CHD8: variants seen among roughly 807,000 people sequenced by gnomAD.
CHD8 encodes ATP-dependent chromatin remodeler CHD8.
CHD8 carries 31 observed loss-of-function variants against 279.2 expected under a neutral mutation model. That is an observed-to-expected ratio of 0.11 (90% CI 0.08 to 0.15). CHD8 has a LOEUF of 0.15. CHD8 is among the 10% of genes least tolerant of loss of function. The pLI, the probability that CHD8 is intolerant of heterozygous loss-of-function variation, is 1.00. For synonymous variants in CHD8, 1,081 were observed against 1,139.6 expected, an observed-to-expected ratio of 0.95 and a Z score of 1.04; for missense variants, 2,146 against 3,230.5, an observed-to-expected ratio of 0.66 and a Z score of 8.14.
chr14:21,408,263 C>T lies in CHD8; in HGVS notation c.2730+49G>A. ...ATATAGCCCTTAAAATACCAGGTAC[C>T]TTGGCCGACTTTCTCTAACTCATAG... On this transcript the variant is annotated intron_variant, in intron 13 of 37. Coordinates refer to ENST00000646647, the MANE Select transcript of CHD8 (RefSeq NM_001170629.2). This position sits in a 1 kb window ranked among gnomAD's most constrained non-coding sequence, Gnocchi z 4.3. 1.3e-6 allele frequency: 2 copies of T among 1,587,940 alleles called. No individual in the cohort carries two copies. Among genetic ancestry groups the T allele is most frequent in the Non-Finnish European group, 1.7e-6 (2 of 1,167,464 alleles).
chr14:21,442,986 A>G (rs1890021643), intron 1 of CHD8, among the ~76,000 whole-genome samples: 1 of 152,228 alleles, frequency 6.6e-6, no homozygotes, highest in South Asian at 2.1e-4. Context: ...GTCCTGTCAA[A>G]TACAAACACA....
At chr14:21,430,640 C>CTTAGA (rs1215408503) in intron 2 of CHD8, 161 bp downstream of exon 2, 7 of 592,886 alleles carry the variant, frequency 1.2e-5, no homozygotes, top group Non-Finnish European at 2.1e-5. Flanking sequence ...CTGCTTCCAA[C>CTTAGA]CAGCAAGTAC....
chr14:21,404,507 G>A (rs1888178816), intron 16 of CHD8, among the ~76,000 whole-genome samples: 1 of 152,002 alleles, frequency 6.6e-6, no homozygotes, highest in Non-Finnish European at 1.5e-5. Flanking sequence ...GTAAATATGT[G>A]GACAAGGACT....
intron 10 of CHD8, among the ~76,000 whole-genome samples, chr14:21,412,271 G>A (rs941662153): frequency 1.9e-4 from 29 of 151,612 alleles, no homozygotes; most frequent in African/African-American, 7.0e-4. Flanking sequence ...TCAGCCTCCC[G>A]AGTAGCTGGG....
At chr14:21,390,870 G>A in intron 37 of CHD8, 77 bp downstream of exon 37, 1 of 747,148 alleles carries the variant, frequency 1.3e-6, no homozygotes. Flanking sequence ...AATAACATTA[G>A]TCACAATCAT....
chr14:21,412,919 A>G lies in CHD8; in HGVS notation c.2220T>C (p.Asn740=). The part of the protein sequence containing the change: ...LDESHSIDKD[N]GEPVIYYLVK... ...CCATGCCTCAACAACTCACCTCCCC[A>G]TTGTCCTTGTCAATACTGTGAGACT... The change falls in exon 10 of 38, where the codon AAT becomes AAC. Residue 740 remains asparagine, a synonymous_variant. Transcript: ENST00000646647. The G allele has an allele frequency of 3.8e-6, 6 of 1,597,420 alleles. No individual in the cohort carries two copies. The highest frequency in any genetic ancestry group is 5.1e-6 in the Non-Finnish European group (6 of 1,165,228).
chr14:21,419,124 A>G (rs1888892163), intron 5 of CHD8, among the ~76,000 whole-genome samples: 1 of 152,256 alleles, frequency 6.6e-6, no homozygotes, highest in African/African-American at 2.4e-5. Context: ...CAATTTCTAG[A>G]AGATACTTTC....
chr14:21,415,695 C>A, intron 6 of CHD8, 30 bp downstream of exon 6: 1 of 1,612,922 alleles, frequency 6.2e-7, no homozygotes, highest in Admixed American at 1.7e-5. Context: ...GCAAGGCAAT[C>A]CTCTGAAATC....
intron 27 of CHD8, chr14:21,396,653 A>C (rs1224246579): frequency 2.6e-5 from 4 of 152,082 alleles, no homozygotes; most frequent in Non-Finnish European, 5.9e-5. Context: ...GGCTCACTGC[A>C]ACCTCCGCCT....
Position 21,391,553 on chromosome 14 carries a change from C to T in CHD8, c.6975G>A (p.Leu2325=). ...IPVINKVDGT[L]LVGEDAPRRA... ...GGCGAGGGGCATCCTCACCCACCAG[C>T]AAAGTACCATCCACCTTATTGATGA... The change falls in exon 36 of 38, where the codon TTG becomes TTA. Residue 2325 remains leucine, a synonymous_variant. Coordinates refer to ENST00000646647, the MANE Select transcript of CHD8 (RefSeq NM_001170629.2). The T allele has an allele frequency of 3.7e-6, 6 of 1,613,786 alleles. No homozygotes were observed. The highest frequency in any genetic ancestry group is 1.1e-5 in the South Asian group (1 of 91,046).
rs1888319260 is a variant in CHD8, at chr14:21,407,848, A to AT, written c.2730+463dup. On this transcript the variant is annotated intron_variant, in intron 13 of 37. Coordinates refer to ENST00000646647, the MANE Select transcript of CHD8 (RefSeq NM_001170629.2). ...GGTCTAGAACTCCCGGCCTCAGGTA[A>AT]TAAGCCCACCTCGGCCTCCCAAAGT... 2.6e-5 allele frequency among the ~76,000 whole-genome samples: 4 copies of AT among 152,120 alleles called. No individual in the cohort carries two copies. The South Asian group carries it at 8.3e-4, about 32-fold the overall frequency.
At chr14:21,391,424 G>A in intron 36 of CHD8, 39 bp downstream of exon 36, 1 of 1,589,002 alleles carries the variant, frequency 6.3e-7, no homozygotes, top group East Asian at 2.2e-5. Flanking sequence ...AATACCAAAG[G>A]AATGACTTTA....
At chr14:21,439,605 T>C (rs1352613130) in intron 1 of CHD8, among the ~76,000 whole-genome samples, 2 of 152,212 alleles carry the variant, frequency 1.3e-5, no homozygotes, top group African/African-American at 2.4e-5. Context: ...TAGTTGCTTA[T>C]GTAAGAGAAA....
At chr14:21,434,491 ATT>A (rs33999210) in intron 1 of CHD8, among the ~76,000 whole-genome samples, 2 of 145,246 alleles carry the variant, frequency 1.4e-5, no homozygotes, top group Non-Finnish European at 3.0e-5. Context: ...TTAGGCCCAG[ATT>A]TTTTTTTTTT....
intron 5 of CHD8, among the ~76,000 whole-genome samples, chr14:21,424,466 CTTTTG>C (rs1401200589): frequency 1.1e-4 from 17 of 151,452 alleles, no homozygotes; most frequent in African/African-American, 3.6e-4. Flanking sequence ...CTCGACTATT[CTTTTG>C]TTTTGTTTTG....
rs1404524585 is a variant in CHD8, at chr14:21,429,212, C to A, written c.967G>T (p.Ala323Ser). 1.2e-6 allele frequency: 2 copies of A among 1,614,006 alleles called. No individual in the cohort carries two copies. Among genetic ancestry groups the A allele is most frequent in the Middle Eastern group, 1.6e-4 (1 of 6,062 alleles). ...TGGGCATTCTTGGCTTGAGTCAGGGCTGCCAGCTGGTTGCCCTGTAACACT... is the reference window on the plus strand; with the variant it reads ...TGGGCATTCTTGGCTTGAGTCAGGGATGCCAGCTGGTTGCCCTGTAACACT... ...KIVLQGNQLAALTQAKNAQGQ... is the reference protein window; with the variant it reads ...KIVLQGNQLASLTQAKNAQGQ... The change falls in exon 3 of 38, where the codon GCC becomes TCC. Residue 323 changes from alanine (A) to serine (S), a missense_variant. Around this residue, in one of 26 missense-constraint regions of CHD8, gnomAD observed 170 missense variants for 189.9 expected, o/e 0.90. Coordinates refer to ENST00000646647, the MANE Select transcript of CHD8 (RefSeq NM_001170629.2).
At position 21,431,360 on chromosome 14, in the gene CHD8, T is replaced by A. The variant is rs1220569576; in HGVS notation, c.284A>T (p.Tyr95Phe). Residue 95 changes from tyrosine (Y) to phenylalanine (F), a missense_variant, in exon 2 of 38, where the codon TAT becomes TTT. Around this residue, in one of 26 missense-constraint regions of CHD8, gnomAD observed 302 missense variants for 325.5 expected, o/e 0.93. Transcript: ENST00000646647. ...CTCCTGGCTGGCAGGCTGAGTGGTATAATCATGCAAGGTTATGGATTCTGG... is the reference window on the plus strand; with the variant it reads ...CTCCTGGCTGGCAGGCTGAGTGGTAAAATCATGCAAGGTTATGGATTCTGG... ...PAPESITLHD[Y>F]TTQPASQEQP... 1 of 1,537,596 alleles carries A rather than the reference T, an allele frequency of 6.5e-7. No individual in the cohort carries two copies. The highest frequency in any genetic ancestry group is 1.4e-5 in the African/African-American group (1 of 73,176).
At chr14:21,393,411 G>C in intron 32 of CHD8, 65 bp downstream of exon 32, 1 of 1,498,374 alleles carries the variant, frequency 6.7e-7, no homozygotes, top group Non-Finnish European at 8.9e-7. Context: ...GATGCATTTA[G>C]AAAAGGGAAA....
chr14:21,394,258 A>G lies in CHD8; in HGVS notation c.5599+19T>C. The G allele has an allele frequency of 6.2e-7, 1 of 1,613,490 alleles. No individual in the cohort carries two copies. Among genetic ancestry groups the G allele is most frequent in the Non-Finnish European group, 8.5e-7 (1 of 1,179,710 alleles). On this transcript the variant is annotated intron_variant, in intron 31 of 37. Transcript: ENST00000646647. The stretch of plus-strand genomic sequence containing the variant: ...CTTCTGTTGGCATCCATCCTCACCC[A>G]CTCTGCAATCTTGCTTACCATCTCC...
Sources: allele counts gnomAD v4.1 joint callset (sites outside exome capture counted in the v4.1 genomes callset), GRCh38; gene constraint gnomAD v4.1.1; regional missense constraint gnomAD v4.1.1; non-coding constraint Gnocchi (gnomAD v3.1); transcripts MANE v1.5; gene names NCBI Gene and HGNC (gene_info 2026-07-23, HGNC 2026-07-21).